The following PCDHGA1 variants were observed in gnomAD, a reference collection of about 807,000 sequenced individuals.
PCDHGA1 encodes the protein protocadherin gamma-A1.
A neutral mutation model predicts 58.0 loss-of-function variants in PCDHGA1; 32 were observed. The ratio of observed to expected loss-of-function variants is 0.55; its 90% CI spans 0.42 to 0.74. The LOEUF is 0.74. Among genes scored for constraint, PCDHGA1 ranks in the 30% least tolerant of loss-of-function variants. PCDHGA1 has a pLI of 0.00. For missense variants in PCDHGA1, 1,205 were observed against 1,182.3 expected (o/e 1.02, Z -0.28); for synonymous variants, 498 against 501.1 (o/e 0.99, Z 0.08).
chr5:141,421,532 C>T lies in PCDHGA1; in HGVS notation c.2422-73275C>T, dbSNP rs557991200. On this transcript the variant is annotated intron_variant, in intron 1 of 3. Transcript: ENST00000517417. ...GAGGAGCTCTGTGAGACGGTGTCCT[C>T]CTGTTTTTTAAATATGGAACTTCTC... The T allele has an allele frequency of 1.4e-5, 23 of 1,613,996 alleles. No individual in the cohort carries two copies. In the African/African-American group the frequency reaches 2.4e-4, roughly 17 times the overall value.
chr5:141,348,015 C>T (rs941170877), intron 1 of PCDHGA1, among the ~76,000 whole-genome samples: 1 of 152,164 alleles, frequency 6.6e-6, no homozygotes, highest in African/African-American at 2.4e-5. Flanking sequence ...CGGGAGATTT[C>T]CAGACAATCT....
intron 1 of PCDHGA1, among the ~76,000 whole-genome samples, chr5:141,381,312 A>G (rs1365514844): frequency 1.3e-5 from 2 of 152,240 alleles, no homozygotes; most frequent in African/African-American, 4.8e-5. Flanking sequence ...ATTCTCTTTT[A>G]TTCTGCAACT....
intron 1 of PCDHGA1, chr5:141,402,997 G>C: frequency 3.7e-6 from 6 of 1,613,928 alleles, no homozygotes; most frequent in Non-Finnish European, 5.1e-6. Context: ...GATTAGTCCT[G>C]CTATGCTCGC....
chr5:141,395,077 AG>A lies in PCDHGA1; in HGVS notation c.2421+61974del, dbSNP rs747226962. 4.3e-6 allele frequency: 7 copies of A among 1,614,024 alleles called. No individual in the cohort carries two copies. The African/African-American group carries it at 9.3e-5, about 22-fold the overall frequency. On this transcript the variant is annotated intron_variant, in intron 1 of 3. Transcript: ENST00000517417. ...CAGGCTTTCCTGCAGACCTATTCCC[AG>A]GAAGTCTCCCTCACCGCCGACTCGC...
At chr5:141,510,238 A>C (rs2099880007) in intron 3 of PCDHGA1, among the ~76,000 whole-genome samples, 1 of 149,340 alleles carries the variant, frequency 6.7e-6, no homozygotes, top group Non-Finnish European at 1.5e-5. Flanking sequence ...GCGCCACTGC[A>C]CTCCAGGCTG....
chr5:141,340,188 C>A (rs1028591155), intron 1 of PCDHGA1: 10 of 1,613,992 alleles, frequency 6.2e-6, no homozygotes, highest in South Asian at 1.1e-5. Context: ...CGACTGGTTA[C>A]AACCAGAGCC....
intron 1 of PCDHGA1, chr5:141,346,499 G>T: frequency 1.2e-6 from 2 of 1,611,232 alleles, no homozygotes; most frequent in Non-Finnish European, 1.7e-6. Context: ...ACAAATATGA[G>T]AATGTGGTTA....
intron 3 of PCDHGA1, among the ~76,000 whole-genome samples, chr5:141,508,646 G>A (rs1434098773): frequency 2.6e-5 from 4 of 152,014 alleles, no homozygotes; most frequent in African/African-American, 9.7e-5. Flanking sequence ...ACTCCGTCAG[G>A]CCCTTCCTGT....
chr5:141,383,179 G>A (rs1387934089), intron 1 of PCDHGA1: 2 of 1,614,006 alleles, frequency 1.2e-6, no homozygotes, highest in Admixed American at 1.7e-5. Context: ...AGACCGGGAA[G>A]AGATCTGCGC....
Position 141,487,686 on chromosome 5 carries a change from T to G in PCDHGA1, c.2422-7121T>G, listed in dbSNP as rs778973495. The G allele has an allele frequency of 4.4e-6, 7 of 1,605,914 alleles. 1 individual carries two copies. The African/African-American group carries it at 9.4e-5, about 21-fold the overall frequency. On this transcript the variant is annotated intron_variant, in intron 1 of 3. Coordinates refer to ENST00000517417, the MANE Select transcript of PCDHGA1 (RefSeq NM_018912.3). The surrounding 1 kb of genome is among the most constrained non-coding windows in gnomAD (Gnocchi z 5.0). Reference sequence around the variant, plus strand: ...CCAGGCATATGGCTAGGCCATGTCCTAGAGAGTACTGGCCTCTCAGTAAGT... The same window carrying G: ...CCAGGCATATGGCTAGGCCATGTCCGAGAGAGTACTGGCCTCTCAGTAAGT...
chr5:141,394,789 C>G (rs747304715), intron 1 of PCDHGA1: 1 of 1,613,728 alleles, frequency 6.2e-7, no homozygotes, highest in Non-Finnish European at 8.5e-7. Context: ...GCCACTGTCA[C>G]GCTCACCGTA....
chr5:141,489,962 C>A lies in PCDHGA1; in HGVS notation c.2422-4845C>A. The A allele has an allele frequency of 6.2e-7, 1 of 1,614,184 alleles. No individual in the cohort carries two copies. The highest frequency in any genetic ancestry group is 8.5e-7 in the Non-Finnish European group (1 of 1,180,008). ...CTGGACATCAATGATAATGCTCCAA[C>A]CTTCCAATCCTCAGTTCTACGTGTG... is the stretch of plus-strand genomic sequence containing the variant. On this transcript the variant is annotated intron_variant, in intron 1 of 3. Transcript: ENST00000517417. This position sits in a 1 kb window ranked among gnomAD's most constrained non-coding sequence, Gnocchi z 4.5.
At chr5:141,437,652 A>T (rs899628392) in intron 1 of PCDHGA1, among the ~76,000 whole-genome samples, 1 of 152,196 alleles carries the variant, frequency 6.6e-6, no homozygotes, top group African/African-American at 2.4e-5. Context: ...AAGCAAACAC[A>T]TAGTTTCGAA....
rs566565641 is a variant in PCDHGA1, at chr5:141,367,114, T to C, written c.2421+34009T>C. The C allele has an allele frequency of 8.2e-5, 18 of 220,652 alleles. 1 individual carries two copies. Among genetic ancestry groups the C allele is most frequent in the Non-Finnish European group, 1.4e-4 (16 of 111,388 alleles). 13.7% of individuals were successfully genotyped at this position (220,652 alleles called of 1,614,324 possible). A position where few individuals can be genotyped will look rare whatever the true frequency, so the allele number is the denominator to read the frequency against. ...CTTTTGAGTGTCTGCCTAGACACCA[T>C]TAGTGAATGTGTTTTGGAAAGGATA... On this transcript the variant is annotated intron_variant, in intron 1 of 3. Coordinates refer to ENST00000517417, the MANE Select transcript of PCDHGA1 (RefSeq NM_018912.3).
chr5:141,370,484 C>T (rs750551260), intron 1 of PCDHGA1: 2 of 1,613,746 alleles, frequency 1.2e-6, no homozygotes, highest in African/African-American at 2.7e-5. Flanking sequence ...AGGCTCTCTC[C>T]GAACCGATCC....
chr5:141,428,561 A>G (rs879118525), intron 1 of PCDHGA1: 16 of 238,202 alleles, frequency 6.7e-5, no homozygotes, highest in South Asian at 5.9e-4. Context: ...GTCCCCCCAC[A>G]AGATCTTTCT....
intron 1 of PCDHGA1, chr5:141,371,248 G>A (rs1561550190): frequency 6.2e-7 from 1 of 1,614,024 alleles, no homozygotes; most frequent in Admixed American, 1.7e-5. Context: ...ATCAATATTG[G>A]CAAGGAAGTG....
intron 1 of PCDHGA1, among the ~76,000 whole-genome samples, chr5:141,459,690 C>A (rs1338211972): frequency 6.6e-6 from 1 of 152,174 alleles, no homozygotes; most frequent in African/African-American, 2.4e-5. Context: ...ATAAAGCGTT[C>A]CGCTTGCTAC....
intron 1 of PCDHGA1, chr5:141,393,663 AT>A (rs1334579066): frequency 6.2e-7 from 1 of 1,613,820 alleles, no homozygotes; most frequent in East Asian, 2.2e-5. Flanking sequence ...ATTCCGGAAA[AT>A]TAATGAAAAA....
Sources: gnomAD v4.1 joint callset for allele counts (sites outside exome capture counted in the v4.1 genomes callset) on GRCh38, gnomAD v4.1.1 for gene constraint, Gnocchi (gnomAD v3.1) non-coding constraint, MANE v1.5 for transcripts, NCBI Gene and HGNC (gene_info 2026-07-23, HGNC 2026-07-21) for gene names.